Variants in NBEA observed in about 807,000 individuals in gnomAD.
NBEA encodes lysosomal-trafficking regulator 2.
A neutral mutation model predicts 343.4 loss-of-function variants in NBEA; 44 were observed. The observed-to-expected ratio is 0.13, with a 90% CI of 0.10 to 0.16. The LOEUF is 0.16. Ranked by LOEUF, NBEA falls within the 10% of genes least tolerant of loss-of-function variation. NBEA has a pLI of 1.00. For missense variants in NBEA, 2,555 were observed against 3,631.3 expected (o/e 0.70, Z 7.62); for synonymous variants, 1,175 against 1,238.7 (o/e 0.95, Z 1.08).
chr13:35,297,280 A>C (rs1310369084), intron 35 of NBEA, among the ~76,000 whole-genome samples: 1 of 152,030 alleles, frequency 6.6e-6, no homozygotes, highest in Non-Finnish European at 1.5e-5. Flanking sequence ...ATAAGGTTCT[A>C]ATCTCTCCAT....
intron 38 of NBEA, among the ~76,000 whole-genome samples, chr13:35,421,186 A>G (rs752544187): frequency 6.6e-6 from 1 of 151,110 alleles, no homozygotes; most frequent in African/African-American, 2.4e-5. Context: ...TTTTATTGTG[A>G]TTTTCATTCA....
rs187180266 is a variant in NBEA, at chr13:35,041,247, A to G, written c.526+83A>G. 3.5e-5 allele frequency: 38 copies of G among 1,090,666 alleles called. No homozygotes were observed. The African/African-American group carries it at 3.8e-4, about 11-fold the overall frequency. The allele number at this position is 1,090,666 out of a possible 1,614,324, so 67.6% of individuals were successfully genotyped here. A position where few individuals can be genotyped will look rare whatever the true frequency, so the allele number is the denominator to read the frequency against. ...TCTCTTTATATTCTATAGGTAATGT[A>G]GATTTGTTGACATTACTTTGATTTA... On this transcript the variant is annotated intron_variant, in intron 2 of 58. Coordinates refer to ENST00000379939, the MANE Select transcript of NBEA (RefSeq NM_001385012.1).
intron 36 of NBEA, among the ~76,000 whole-genome samples, chr13:35,312,857 TTTGAG>T (rs2037461512): frequency 6.6e-6 from 1 of 151,852 alleles, no homozygotes; most frequent in African/African-American, 2.4e-5. Context: ...GAAAGCGAGG[TTTGAG>T]TTGAGAGTTT....
chr13:35,626,668 G>C (rs1352607515), intron 48 of NBEA, among the ~76,000 whole-genome samples: 2 of 152,008 alleles, frequency 1.3e-5, no homozygotes, highest in African/African-American at 4.8e-5. Context: ...TAAATAATTA[G>C]ACTGACATTT....
chr13:35,545,149 A>G (rs914050082), intron 41 of NBEA, among the ~76,000 whole-genome samples: 1 of 152,368 alleles, frequency 6.6e-6, no homozygotes, highest in African/African-American at 2.4e-5. Context: ...ACGATTTTAT[A>G]GTATCAGGCC....
chr13:35,037,408 A>G (rs2062484364), intron 1 of NBEA, among the ~76,000 whole-genome samples: 1 of 152,098 alleles, frequency 6.6e-6, no homozygotes, highest in South Asian at 2.1e-4. Context: ...TTGGTGCCTT[A>G]TTTAGTTCAT....
chr13:35,142,438 T>C, intron 18 of NBEA, 61 bp downstream of exon 18: 1 of 1,162,400 alleles, frequency 8.6e-7, no homozygotes, highest in Non-Finnish European at 1.2e-6. Flanking sequence ...CCTCTTAATC[T>C]ATGCAATTGA....
At chr13:35,163,425 G>A (rs920850368) in intron 23 of NBEA, among the ~76,000 whole-genome samples, 4 of 151,836 alleles carry the variant, frequency 2.6e-5, no homozygotes, top group African/African-American at 7.3e-5. Context: ...AGGCCAAGGC[G>A]GGAGGATAGC....
chr13:35,449,105 G>C lies in NBEA; in HGVS notation c.6305-2987G>C, dbSNP rs1471086730. Reference sequence around the variant, plus strand: ...AAGTGGTCCAATATTGCTGAGGAAGGTGTGGTGAAAACACAGAACTGGTAA... The same window carrying C: ...AAGTGGTCCAATATTGCTGAGGAAGCTGTGGTGAAAACACAGAACTGGTAA... On this transcript the variant is annotated intron_variant, in intron 39 of 58. Coordinates refer to ENST00000379939, the MANE Select transcript of NBEA (RefSeq NM_001385012.1). 4.6e-5 allele frequency among the ~76,000 whole-genome samples: 7 copies of C among 152,196 alleles called. No homozygotes were observed. In the East Asian group the frequency reaches 1.2e-3, roughly 25 times the overall value.
At position 35,364,159 on chromosome 13, in the gene NBEA, C is replaced by A. The variant is rs1289462409; in HGVS notation, c.6179+11836C>A. ...TATTTCTCTTATGGCCAACAAATTT[C>A]ATCTCTCCCATTTTCCCAGTGAAGG... is the stretch of plus-strand genomic sequence containing the variant. On this transcript the variant is annotated intron_variant, in intron 38 of 58. Transcript: ENST00000379939. Among the ~76,000 whole-genome samples, 5 of 151,908 alleles carry A rather than the reference C, an allele frequency of 3.3e-5. No homozygotes were observed. The Admixed American group carries it at 3.3e-4, about 10-fold the overall frequency.
At chr13:35,405,482 A>C (rs1456469133) in intron 38 of NBEA, among the ~76,000 whole-genome samples, 1 of 152,150 alleles carries the variant, frequency 6.6e-6, no homozygotes, top group African/African-American at 2.4e-5. Context: ...CAATTTTGTG[A>C]ATGAAAGAAC....
chr13:35,645,874 A>G lies in NBEA; in HGVS notation c.7623A>G (p.Pro2541=). 2 of 1,567,158 alleles carry G rather than the reference A, an allele frequency of 1.3e-6. No individual in the cohort carries two copies. Among genetic ancestry groups the G allele is most frequent in the Non-Finnish European group, 1.7e-6 (2 of 1,150,004 alleles). ...TCTTTTTTTTCCCCATTAAGATTCC[A>G]GAAGCTTATTTCATTAGAGACCCCC... The part of the protein sequence containing the change: ...SITDPVLREI[P]EAYFIRDPHT... Residue 2541 remains proline (P), a synonymous_variant, in exon 50 of 59, where the codon CCA becomes CCG. Transcript: ENST00000379939.
chr13:35,572,762 C>A (rs1351413231), intron 45 of NBEA, among the ~76,000 whole-genome samples: 5 of 152,064 alleles, frequency 3.3e-5, no homozygotes, highest in Admixed American at 1.3e-4. Context: ...GAGATGGAGT[C>A]TCCCTCTGTC....
chr13:35,336,427 G>C (rs996178082), intron 36 of NBEA, among the ~76,000 whole-genome samples: 4 of 151,984 alleles, frequency 2.6e-5, no homozygotes. Flanking sequence ...TATTGGTGGG[G>C]GTGCAAATTA....
intron 40 of NBEA, among the ~76,000 whole-genome samples, chr13:35,471,104 G>C (rs1012833490): frequency 6.6e-6 from 1 of 152,202 alleles, no homozygotes; most frequent in African/African-American, 2.4e-5. Context: ...GCTGAAAGCT[G>C]ACACTGTCAC....
intron 34 of NBEA, among the ~76,000 whole-genome samples, chr13:35,283,625 A>G (rs1293756803): frequency 2.0e-5 from 3 of 152,210 alleles, no homozygotes; most frequent in South Asian, 4.1e-4. Flanking sequence ...AAGAAAGGTA[A>G]TAAGTGCATA....
In NBEA at chr13:35,145,741, G is replaced by A. The variant is rs946118728; in HGVS notation, c.2445+3364G>A. ...AAGATCTAATATCATTAACCAATTG[G>A]TGTCTTCTGATATTTGGGTAAATGT... On this transcript the variant is annotated intron_variant, in intron 18 of 58. Coordinates refer to ENST00000379939, the MANE Select transcript of NBEA (RefSeq NM_001385012.1). Among the ~76,000 whole-genome samples, 5 of 152,300 alleles carry A rather than the reference G, an allele frequency of 3.3e-5. No individual in the cohort carries two copies. In the East Asian group the frequency reaches 5.8e-4, roughly 18 times the overall value.
chr13:35,626,100 C>A (rs1375391993), intron 48 of NBEA, among the ~76,000 whole-genome samples: 2 of 152,118 alleles, frequency 1.3e-5, no homozygotes, highest in Non-Finnish European at 2.9e-5. Flanking sequence ...GCTAGTCACA[C>A]AGTGACACAG....
chr13:35,404,404 C>A (rs1335209447), intron 38 of NBEA, among the ~76,000 whole-genome samples: 1 of 150,080 alleles, frequency 6.7e-6, no homozygotes. Context: ...ACATATACAC[C>A]ATGGAATACT....
Sources: gnomAD v4.1 joint callset for allele counts (sites outside exome capture counted in the v4.1 genomes callset) on GRCh38, gnomAD v4.1.1 for gene constraint, MANE v1.5 for transcripts, NCBI Gene and HGNC (gene_info 2026-07-23, HGNC 2026-07-21) for gene names.